Variants in BRWD1 observed in about 807,000 individuals in gnomAD.
BRWD1 encodes bromodomain and WD repeat domain containing 1.
Under a neutral mutation model 251.2 loss-of-function variants are expected in BRWD1, and 82 were observed. That is an observed-to-expected ratio of 0.33 (90% CI 0.27 to 0.39). The LOEUF (loss-of-function observed/expected upper bound fraction) is 0.39, where lower values mean the gene tolerates loss of function less well. Ranked by LOEUF, BRWD1 falls within the 10% of genes least tolerant of loss-of-function variation. The pLI is 1.00. For missense variants in BRWD1, 2,233 were observed against 2,711.6 expected (o/e 0.82, Z 3.92); for synonymous variants, 918 against 902.8 (o/e 1.02, Z -0.30).
intron 21 of BRWD1, among the ~76,000 whole-genome samples, chr21:39,241,824 T>C (rs1337963577): frequency 1.3e-5 from 2 of 152,220 alleles, no homozygotes; most frequent in African/African-American, 4.8e-5. Context: ...CACATTTTAG[T>C]AATTACCATA....
At chr21:39,305,166 T>C (rs970211517) in intron 4 of BRWD1, among the ~76,000 whole-genome samples, 2 of 151,964 alleles carry the variant, frequency 1.3e-5, no homozygotes, top group African/African-American at 4.8e-5. Context: ...ACAAGGTTGA[T>C]CAGGCTGGTC....
chr21:39,202,336 G>A lies in BRWD1; in HGVS notation c.4574C>T (p.Ser1525Phe). ...RKRNRPITNG[S>F]TLSESEVEDS... ...ATTTCACTTCTCACCAGATAATGTA[G>A]AACCATTTGTTATAGGTCTATTTCT... is the stretch of plus-strand genomic sequence containing the variant. The change falls in exon 38 of 41, where the codon TCT becomes TTT. Residue 1525 changes from serine (S) to phenylalanine (F), a missense_variant. By Grantham distance (155) the Ser-to-Phe change is radical. Around this residue, in one of 12 missense-constraint regions of BRWD1, gnomAD observed 928 missense variants for 970.0 expected, o/e 0.96. Transcript: ENST00000342449. The A allele has an allele frequency of 6.2e-7, 1 of 1,611,062 alleles. No homozygotes were observed. Among genetic ancestry groups the A allele is most frequent in the Non-Finnish European group, 8.5e-7 (1 of 1,177,918 alleles).
At chr21:39,270,927 G>T (rs1431130005) in intron 13 of BRWD1, among the ~76,000 whole-genome samples, 2 of 152,198 alleles carry the variant, frequency 1.3e-5, no homozygotes, top group African/African-American at 4.8e-5. Flanking sequence ...CTTTCCTACA[G>T]TCTACTCCTA....
At chr21:39,291,664 G>C (rs1041506678) in intron 8 of BRWD1, among the ~76,000 whole-genome samples, 1 of 152,190 alleles carries the variant, frequency 6.6e-6, no homozygotes, top group African/African-American at 2.4e-5. Flanking sequence ...ACAAGGCCAG[G>C]AGAAGGACCA....
intron 38 of BRWD1, among the ~76,000 whole-genome samples, chr21:39,202,071 G>T (rs1018626640): frequency 2.6e-5 from 4 of 152,236 alleles, no homozygotes; most frequent in Non-Finnish European, 5.9e-5. Context: ...AACTTCAAAT[G>T]CTGCACACCA....
rs1444421793 is a variant in BRWD1 at position 39,198,869 on chromosome 21, C to T, written c.5547G>A (p.Leu1849=). The T allele has an allele frequency of 6.2e-7, 1 of 1,614,116 alleles. No individual in the cohort carries two copies. The highest frequency in any genetic ancestry group is 1.7e-5 in the Admixed American group (1 of 60,022). Residue 1849 remains leucine, a synonymous_variant, in exon 40 of 41, where the codon CTG becomes CTA. Transcript: ENST00000342449. ...KMEMNPISGN[L]NCDPIAMSQC... ...GGGACATAGCAATAGGGTCACAGTT[C>T]AGATTTCCTGAAATTGGGTTCATTT...
In BRWD1 at chr21:39,192,378, T is replaced by C; in HGVS notation, c.*3881A>G. On this transcript the variant is annotated 3_prime_UTR_variant, in exon 41 of 41. Coordinates refer to ENST00000342449, the MANE Select transcript of BRWD1 (RefSeq NM_033656.4). ...CACCTAGTTTTGACAAATTTATTCC[T>C]TCTCTTCCCAAATACTAGGATAAGA... is the stretch of plus-strand genomic sequence containing the variant. The C allele has an allele frequency of 1.0e-6, 1 of 984,876 alleles. No homozygotes were observed. Among genetic ancestry groups the C allele is most frequent in the Non-Finnish European group, 1.2e-6 (1 of 829,564 alleles). 61.0% of individuals were successfully genotyped at this position (984,876 alleles called of 1,614,324 possible).
In BRWD1 at chr21:39,194,631, A is replaced by G. The variant is rs2031717528; in HGVS notation, c.*1628T>C. Reference sequence around the variant, plus strand: ...GTAGAAAGAAAATGTACCTTCTACTATGTCAAATGGAATAGATAACTACAA... The same window carrying G: ...GTAGAAAGAAAATGTACCTTCTACTGTGTCAAATGGAATAGATAACTACAA... On this transcript the variant is annotated 3_prime_UTR_variant, in exon 41 of 41. Coordinates refer to ENST00000342449, the MANE Select transcript of BRWD1 (RefSeq NM_033656.4). The G allele has an allele frequency of 2.6e-6, 4 of 1,528,924 alleles. No homozygotes were observed. Among genetic ancestry groups the G allele is most frequent in the Middle Eastern group, 1.7e-4 (1 of 5,946 alleles). 94.7% of individuals were successfully genotyped at this position (1,528,924 alleles called of 1,614,324 possible).
chr21:39,193,141 T>C lies in BRWD1; in HGVS notation c.*3118A>G. On this transcript the variant is annotated 3_prime_UTR_variant, in exon 41 of 41. Transcript: ENST00000342449. ...CCCTTCTGTTTTGAAGTGCTTTTTC[T>C]TAAAACTTAAGTTCTTTGCCTCCAT... The C allele has an allele frequency of 1.0e-6, 1 of 985,200 alleles. No individual in the cohort carries two copies. Among genetic ancestry groups the C allele is most frequent in the Non-Finnish European group, 1.2e-6 (1 of 829,752 alleles). 61.0% of individuals were successfully genotyped at this position (985,200 alleles called of 1,614,324 possible).
chr21:39,218,100 A>C, intron 31 of BRWD1, 52 bp downstream of exon 31: 1 of 1,532,222 alleles, frequency 6.5e-7, no homozygotes, highest in African/African-American at 1.4e-5. Flanking sequence ...TACCCTAGTC[A>C]ATATTGCCAA....
chr21:39,281,747 A>G (rs560328280), intron 8 of BRWD1, among the ~76,000 whole-genome samples: 41 of 152,240 alleles, frequency 2.7e-4, no homozygotes, highest in Admixed American at 9.8e-4. Flanking sequence ...GGATGCCCAT[A>G]ATCCCAGCTA....
At chr21:39,302,728 C>T (rs1337605234) in intron 4 of BRWD1, among the ~76,000 whole-genome samples, 3 of 149,074 alleles carry the variant, frequency 2.0e-5, no homozygotes, top group Non-Finnish European at 4.4e-5. Context: ...GCACTCACTC[C>T]TAGGTGACAG....
intron 5 of BRWD1, 134 bp from the exon 6 acceptor site, chr21:39,296,497 C>T: frequency 7.9e-7 from 1 of 1,263,534 alleles, no homozygotes; most frequent in Non-Finnish European, 1.0e-6. Context: ...ACAGAAAAGC[C>T]CTGGAGGTTT....
rs182313771 is a variant in BRWD1 at position 39,188,196 on chromosome 21, G to A, written c.*8063C>T. ...AGAACAGAAGTGATATTCCTTTTACGTATCTGAAGTTCACGGGCCCTTGAA... is the reference window on the plus strand; with the variant it reads ...AGAACAGAAGTGATATTCCTTTTACATATCTGAAGTTCACGGGCCCTTGAA... On this transcript the variant is annotated 3_prime_UTR_variant, in exon 41 of 41. Coordinates refer to ENST00000342449, the MANE Select transcript of BRWD1 (RefSeq NM_033656.4). 97 of 985,328 alleles carry A rather than the reference G, an allele frequency of 9.8e-5. No homozygotes were observed. Among genetic ancestry groups the A allele is most frequent in the Middle Eastern group, 5.2e-4 (1 of 1,914 alleles). 61.0% of individuals were successfully genotyped at this position (985,328 alleles called of 1,614,324 possible).
At position 39,293,836 on chromosome 21, in the gene BRWD1, T is replaced by C; in HGVS notation, c.806A>G (p.His269Arg). The C allele has an allele frequency of 6.2e-7, 1 of 1,614,178 alleles. No individual in the cohort carries two copies. The change falls in exon 8 of 41, where the codon CAC becomes CGC. Residue 269 changes from histidine to arginine, a missense_variant. His to Arg is a conservative substitution (Grantham distance 29). Transcript: ENST00000342449. ...TCAPVAVLQG[H>R]TGSITSLQFS... Reference sequence around the variant, plus strand: ...CTGTAAAGATGTAATTGATCCTGTGTGTCCTTGGAGCACAGCAACTGGGGC... The same window carrying C: ...CTGTAAAGATGTAATTGATCCTGTGCGTCCTTGGAGCACAGCAACTGGGGC...
Position 39,313,120 on chromosome 21 carries a change from C to T in BRWD1, c.109-19G>A, listed in dbSNP as rs1317700736. 6.7e-7 allele frequency: 1 copy of T among 1,495,120 alleles called. No homozygotes were observed. The highest frequency in any genetic ancestry group is 8.9e-7 in the Non-Finnish European group (1 of 1,124,454). The allele number at this position is 1,495,120 out of a possible 1,614,324, so 92.6% of individuals were successfully genotyped here. ...CCAGCACCTGCGGCCGAGAGACGCG[C>T]GGTCAGGGGTGGGGTCGGGCCCGGG... On this transcript the variant is annotated intron_variant, in intron 2 of 40. Coordinates refer to ENST00000342449, the MANE Select transcript of BRWD1 (RefSeq NM_033656.4).
chr21:39,203,438 C>CTTTTTTTTTTTTTTT lies in BRWD1; in HGVS notation c.4365-908_4365-894dup, dbSNP rs71330353. Among the ~76,000 whole-genome samples, 315 of 67,708 alleles carry CTTTTTTTTTTTTTTT rather than the reference C, an allele frequency of 4.7e-3. 27 individuals carry two copies. The highest frequency in any genetic ancestry group is 7.4e-3 in the Non-Finnish European group (256 of 34,560). 44.4% of individuals were successfully genotyped at this position (67,708 alleles called of 152,430 possible). On this transcript the variant is annotated intron_variant, in intron 37 of 40. Transcript: ENST00000342449. ...TGGGCAACAGAGCAAGACCCTGGTT[C>CTTTTTTTTTTTTTTT]TTTTTTTTTTTTTTTTTTTTTTTTG...
intron 12 of BRWD1, among the ~76,000 whole-genome samples, chr21:39,275,864 C>A (rs1414812252): frequency 6.6e-6 from 1 of 152,066 alleles, no homozygotes; most frequent in African/African-American, 2.4e-5. Flanking sequence ...GGAACCCCGT[C>A]TCTACTAAAA....
intron 21 of BRWD1, among the ~76,000 whole-genome samples, chr21:39,246,020 C>T (rs939283363): frequency 1.3e-5 from 2 of 151,976 alleles, no homozygotes; most frequent in Non-Finnish European, 2.9e-5. Flanking sequence ...GACTTAGACA[C>T]AACAGTAAAA....
Sources: allele counts gnomAD v4.1 joint callset (sites outside exome capture counted in the v4.1 genomes callset), GRCh38; gene constraint gnomAD v4.1.1; regional missense constraint gnomAD v4.1.1; transcripts MANE v1.5; gene names NCBI Gene and HGNC (gene_info 2026-07-23, HGNC 2026-07-21).